Variants in MAGI2 observed in about 807,000 individuals in gnomAD.
The protein encoded by MAGI2 is membrane associated guanylate kinase, WW and PDZ domain containing 2, also known as membrane-associated guanylate kinase, WW and PDZ domain-containing protein 2.
In MAGI2, 35 loss-of-function variants were observed where a neutral mutation model predicts 133.3. The ratio of observed to expected loss-of-function variants is 0.26; its 90% CI spans 0.20 to 0.35. The LOEUF (loss-of-function observed/expected upper bound fraction) is 0.35, where lower values mean the gene tolerates loss of function less well. Among genes scored for constraint, MAGI2 ranks in the 10% least tolerant of loss-of-function variants. The pLI is 1.00. For missense variants in MAGI2, 1,636 were observed against 1,863.4 expected (o/e 0.88, Z 2.25); for synonymous variants, 729 against 710.6 (o/e 1.03, Z -0.41).
At chr7:78,629,061 A>G (rs1219243301) in intron 2 of MAGI2, among the ~76,000 whole-genome samples, 1 of 152,096 alleles carries the variant, frequency 6.6e-6, no homozygotes, top group East Asian at 1.9e-4. Flanking sequence ...GGATCACAAG[A>G]TTGAGGGCAA....
intron 3 of MAGI2, among the ~76,000 whole-genome samples, chr7:78,570,020 ACT>A (rs1801345938): frequency 2.0e-5 from 3 of 152,200 alleles, no homozygotes; most frequent in East Asian, 1.9e-4. Context: ...TAGATATTTC[ACT>A]GTTTTTAATT....
intron 2 of MAGI2, among the ~76,000 whole-genome samples, chr7:78,798,163 G>T (rs755032792): frequency 6.6e-6 from 1 of 152,074 alleles, no homozygotes; most frequent in African/African-American, 2.4e-5. Context: ...TAGTATTTAC[G>T]CAGGCTGCAT....
intron 2 of MAGI2, among the ~76,000 whole-genome samples, chr7:78,961,717 G>A (rs933134816): frequency 3.3e-5 from 5 of 152,026 alleles, no homozygotes; most frequent in African/African-American, 9.7e-5. Context: ...TTAGAGCTAA[G>A]CTTTCTCCTA....
intron 10 of MAGI2, among the ~76,000 whole-genome samples, chr7:78,205,119 T>C (rs1455222731): frequency 6.6e-6 from 1 of 152,206 alleles, no homozygotes; most frequent in Non-Finnish European, 1.5e-5. Flanking sequence ...TAAATCTACA[T>C]GTCAACTAAA....
intron 1 of MAGI2, 91 bp from the exon 2 acceptor site, chr7:79,007,297 T>C (rs1337538488): frequency 1.3e-5 from 9 of 679,198 alleles, no homozygotes; most frequent in Non-Finnish European, 2.3e-5. Flanking sequence ...CAGGAACCCA[T>C]TAAAAAGATG....
intron 3 of MAGI2, among the ~76,000 whole-genome samples, chr7:78,522,023 T>A (rs1356985385): frequency 6.6e-6 from 1 of 152,126 alleles, no homozygotes; most frequent in Non-Finnish European, 1.5e-5. Flanking sequence ...GTACAGGTAA[T>A]TTTTTTGTAG....
At chr7:78,351,451 T>A (rs1171867506) in intron 7 of MAGI2, among the ~76,000 whole-genome samples, 1 of 151,620 alleles carries the variant, frequency 6.6e-6, no homozygotes, top group Non-Finnish European at 1.5e-5. Context: ...AGGGATGAAA[T>A]GTGGGAGCAT....
chr7:79,430,709 A>G (rs1169002912), intron 1 of MAGI2, among the ~76,000 whole-genome samples: 1 of 152,152 alleles, frequency 6.6e-6, no homozygotes, highest in Non-Finnish European at 1.5e-5. Flanking sequence ...TATAACCTCT[A>G]CTTTTTCATA....
chr7:78,904,609 T>C (rs887343913), intron 2 of MAGI2, among the ~76,000 whole-genome samples: 1 of 150,856 alleles, frequency 6.6e-6, no homozygotes, highest in African/African-American at 2.5e-5. Context: ...CTGCAGCCTC[T>C]GCCTCAGCCT....
chr7:78,021,984 A>T (rs1260478249), intron 21 of MAGI2, among the ~76,000 whole-genome samples: 1 of 152,186 alleles, frequency 6.6e-6, no homozygotes, highest in Non-Finnish European at 1.5e-5. Context: ...CCGCCTCATT[A>T]ACTAGTACCT....
At chr7:78,422,642 G>A (rs1253425898) in intron 6 of MAGI2, among the ~76,000 whole-genome samples, 3 of 150,832 alleles carry the variant, frequency 2.0e-5, no homozygotes, top group Non-Finnish European at 2.9e-5. Flanking sequence ...GCAGATATAA[G>A]AGAATAAAGT....
chr7:78,129,307 G>T (rs762019521), intron 18 of MAGI2, among the ~76,000 whole-genome samples: 1 of 143,264 alleles, frequency 7.0e-6, no homozygotes, highest in Non-Finnish European at 1.5e-5. Flanking sequence ...ACACATTGAA[G>T]AATTCTTTAA....
At chr7:79,421,774 T>C (rs1399399965) in intron 1 of MAGI2, among the ~76,000 whole-genome samples, 2 of 152,028 alleles carry the variant, frequency 1.3e-5, no homozygotes, top group Non-Finnish European at 2.9e-5. Flanking sequence ...ATTTATGTAG[T>C]TTTAATGGCT....
chr7:78,164,030 C>T (rs1357509635), intron 15 of MAGI2, among the ~76,000 whole-genome samples: 1 of 152,152 alleles, frequency 6.6e-6, no homozygotes, highest in African/African-American at 2.4e-5. Context: ...ATGGCTGCTC[C>T]TTCAACTGGG....
At chr7:78,251,787 C>A (rs1792410299) in intron 10 of MAGI2, 1 of 152,120 alleles carries the variant, frequency 6.6e-6, no homozygotes, top group Admixed American at 6.5e-5. Flanking sequence ...CCACAAATAG[C>A]TCTATAGATG....
intron 1 of MAGI2, among the ~76,000 whole-genome samples, chr7:79,432,084 G>C (rs571065891): frequency 1.3e-5 from 2 of 152,298 alleles, no homozygotes; most frequent in East Asian, 3.9e-4. Context: ...TGTAGCTAAG[G>C]CTTCAAAGCT....
intron 14 of MAGI2, among the ~76,000 whole-genome samples, chr7:78,176,701 G>A (rs78732549): frequency 0.12 from 17,596 of 151,514 alleles, 1,311 homozygotes; most frequent in Non-Finnish European, 0.15. Context: ...TATTTTCTGG[G>A]GCCAGGCATG....
intron 2 of MAGI2, among the ~76,000 whole-genome samples, chr7:78,945,352 C>T (rs868032510): frequency 7.9e-5 from 12 of 152,080 alleles, no homozygotes; most frequent in African/African-American, 2.7e-4. Flanking sequence ...TGAGCTGCCA[C>T]GCCTGGCCCT....
In MAGI2 at chr7:78,624,373, C is replaced by T. The variant is rs116832856; in HGVS notation, c.538+2747G>A. Reference sequence around the variant, plus strand: ...GCAATTGCTTTTGGTGTTTTCATCACGAAACATTTACCCATGCCTATATCC... The same window carrying T: ...GCAATTGCTTTTGGTGTTTTCATCATGAAACATTTACCCATGCCTATATCC... On this transcript the variant is annotated intron_variant, in intron 3 of 21. Transcript: ENST00000354212. Among the ~76,000 whole-genome samples, 326 of 151,978 alleles carry T rather than the reference C, an allele frequency of 2.1e-3. 1 individual carries two copies. The highest frequency in any genetic ancestry group is 7.7e-3 in the African/African-American group (320 of 41,488).
Sources: gnomAD v4.1 joint callset for allele counts (sites outside exome capture counted in the v4.1 genomes callset) on GRCh38, gnomAD v4.1.1 for gene constraint, MANE v1.5 for transcripts, NCBI Gene and HGNC (gene_info 2026-07-23, HGNC 2026-07-21) for gene names.